ZZEF1: variants seen among roughly 807,000 people sequenced by gnomAD.
The protein encoded by ZZEF1 is zinc finger ZZ-type and EF-hand domain containing 1.
Under a neutral mutation model 342.8 loss-of-function variants are expected in ZZEF1, and 157 were observed. The ratio of observed to expected loss-of-function variants is 0.46; its 90% CI spans 0.40 to 0.52. The LOEUF (loss-of-function observed/expected upper bound fraction) is 0.52, where lower values mean the gene tolerates loss of function less well. Among genes scored for constraint, ZZEF1 ranks in the 20% least tolerant of loss-of-function variants. The probability of loss-of-function intolerance (pLI) is 0.00; values close to 1 mark genes in which losing one functional copy is unlikely to be tolerated. For missense variants in ZZEF1, 3,480 were observed against 3,725.6 expected (o/e 0.93, Z 1.72); for synonymous variants, 1,505 against 1,429.1 (o/e 1.05, Z -1.20).
intron 31 of ZZEF1, 83 bp from the exon 32 acceptor site, chr17:4,058,238 T>A: frequency 6.9e-7 from 1 of 1,447,820 alleles, no homozygotes; most frequent in Non-Finnish European, 9.2e-7. Flanking sequence ...GGTGACCTGG[T>A]TTGCAATTGA....
chr17:4,085,231 A>AG (rs1422776265), intron 16 of ZZEF1, among the ~76,000 whole-genome samples: 1 of 152,132 alleles, frequency 6.6e-6, no homozygotes, highest in Non-Finnish European at 1.5e-5. Context: ...AAAGGAGGAA[A>AG]GGGGGGTGAG....
intron 33 of ZZEF1, among the ~76,000 whole-genome samples, chr17:4,055,207 G>C (rs2057131804): frequency 6.6e-6 from 1 of 152,272 alleles, no homozygotes; most frequent in African/African-American, 2.4e-5. Context: ...CAGTAGACCA[G>C]AGCAAATATG....
intron 19 of ZZEF1, among the ~76,000 whole-genome samples, chr17:4,077,594 G>A (rs778745201): frequency 1.3e-5 from 2 of 152,154 alleles, no homozygotes; most frequent in South Asian, 2.1e-4. Context: ...CCTGAAGAGC[G>A]AGACATCACG....
intron 52 of ZZEF1, among the ~76,000 whole-genome samples, chr17:4,011,173 G>T (rs866596480): frequency 3.7e-4 from 57 of 152,220 alleles, no homozygotes; most frequent in African/African-American, 1.2e-3. Flanking sequence ...AGGCTAAGGT[G>T]GGGGGATTGC....
chr17:4,069,117 G>A (rs1029401242), intron 26 of ZZEF1, among the ~76,000 whole-genome samples: 3 of 152,170 alleles, frequency 2.0e-5, no homozygotes, highest in African/African-American at 7.2e-5. Flanking sequence ...TTTCTCTTCT[G>A]CAAACAGGTA....
chr17:4,111,709 C>T (rs935539169), intron 5 of ZZEF1, among the ~76,000 whole-genome samples: 3 of 145,094 alleles, frequency 2.1e-5, no homozygotes, highest in African/African-American at 7.6e-5. Flanking sequence ...TAAGCATACA[C>T]AATATATAAA....
intron 37 of ZZEF1, among the ~76,000 whole-genome samples, chr17:4,048,410 C>T (rs1233174881): frequency 6.6e-6 from 1 of 152,188 alleles, no homozygotes; most frequent in Non-Finnish European, 1.5e-5. Flanking sequence ...AATCCTTGAA[C>T]TAGCAACCTG....
Position 4,050,992 on chromosome 17 carries a change from G to A in ZZEF1, c.5652C>T (p.Ile1884=), listed in dbSNP as rs1292483091. The A allele has an allele frequency of 3.1e-6, 5 of 1,614,232 alleles. No homozygotes were observed. Among genetic ancestry groups the A allele is most frequent in the Admixed American group, 3.3e-5 (2 of 60,024 alleles). The change falls in exon 36 of 55, where the codon ATC becomes ATT. Residue 1884 remains isoleucine, a synonymous_variant. Transcript: ENST00000381638. ...GCTGGATGAGCCTCTGCCGGTCACT[G>A]ATCCGAATGGTTACCATTGGGTGGG... The part of the protein sequence containing the change: ...ITAHPMVTIR[I]SDRQRLIQPY...
chr17:4,135,869 C>CTTTTTTTTTTTTTTTTT (rs1567873792), intron 1 of ZZEF1, among the ~76,000 whole-genome samples: 7 of 152,050 alleles, frequency 4.6e-5, no homozygotes, highest in African/African-American at 1.7e-4. Context: ...TGCTTCTCAA[C>CTTTTTTTTTTTTTTTTT]TTTTATTGGC....
chr17:4,046,946 A>T (rs547871680), intron 37 of ZZEF1, among the ~76,000 whole-genome samples: 1 of 152,310 alleles, frequency 6.6e-6, no homozygotes, highest in African/African-American at 2.4e-5. Context: ...GTTGAAAAAC[A>T]GTGATCTGTC....
chr17:4,052,132 C>T lies in ZZEF1; in HGVS notation c.5439G>A (p.Gly1813=), dbSNP rs1231786479. The part of the protein sequence containing the change: ...MDLCKTCFLG[G]VKPEGHGDDH... ...CGTCTCCGTGGCCCTCAGGCTTCAC[C>T]CCACCTGAGGAGAAACACAGCAGTG... The change falls in exon 35 of 55, where the codon GGG becomes GGA. Residue 1813 remains glycine, a synonymous_variant. Transcript: ENST00000381638. 11 of 1,610,678 alleles carry T rather than the reference C, an allele frequency of 6.8e-6. No individual in the cohort carries two copies. The highest frequency in any genetic ancestry group is 2.7e-5 in the African/African-American group (2 of 74,794).
At position 4,005,150 on chromosome 17, in the gene ZZEF1, G is replaced by A. The variant is rs1195173241; in HGVS notation, c.*1740C>T. 6.6e-6 allele frequency: 1 copy of A among 152,356 alleles called. No individual in the cohort carries two copies. Among genetic ancestry groups the A allele is most frequent in the Non-Finnish European group, 1.5e-5 (1 of 68,122 alleles). 9.4% of individuals were successfully genotyped at this position (152,356 alleles called of 1,614,324 possible). A position where few individuals can be genotyped will look rare whatever the true frequency, so the allele number is the denominator to read the frequency against. On this transcript the variant is annotated 3_prime_UTR_variant, in exon 55 of 55. Coordinates refer to ENST00000381638, the MANE Select transcript of ZZEF1 (RefSeq NM_015113.4). ...GCCTCCCTCCCAAGCACTAAGACTT[G>A]TTTCCTGTGAGTCCCCTCTTGGGAA...
chr17:4,005,804 A>ACGC lies in ZZEF1; in HGVS notation c.*1083_*1085dup. 1 of 152,400 alleles carries ACGC rather than the reference A, an allele frequency of 6.6e-6. No individual in the cohort carries two copies. The highest frequency in any genetic ancestry group is 1.9e-4 in the East Asian group (1 of 5,180). The allele number at this position is 152,400 out of a possible 1,614,324, so 9.4% of individuals were successfully genotyped here. On this transcript the variant is annotated 3_prime_UTR_variant, in exon 55 of 55. Coordinates refer to ENST00000381638, the MANE Select transcript of ZZEF1 (RefSeq NM_015113.4). The stretch of plus-strand genomic sequence containing the variant: ...CCCCACGGGTCCCACTAAGGCCGGC[A>ACGC]CGCAGCCCACACGCCAGACTTGCTT...
In ZZEF1 at chr17:4,004,959, G is replaced by C. The variant is rs2055771699; in HGVS notation, c.*1931C>G. 6.6e-6 allele frequency: 1 copy of C among 152,368 alleles called. No homozygotes were observed. The highest frequency in any genetic ancestry group is 2.1e-4 in the South Asian group (1 of 4,838). The allele number at this position is 152,368 out of a possible 1,614,324, so 9.4% of individuals were successfully genotyped here. On this transcript the variant is annotated 3_prime_UTR_variant, in exon 55 of 55. Transcript: ENST00000381638. ...CTGGGGAGCCCAGCGTTTATTTACA[G>C]CTGATCTTCCTGACGGGAGGATGGA...
At chr17:4,117,217 C>G in intron 2 of ZZEF1, 51 bp from the exon 3 acceptor site, 1 of 1,477,080 alleles carries the variant, frequency 6.8e-7, no homozygotes, top group Non-Finnish European at 9.3e-7. Flanking sequence ...ACAGTAGTTT[C>G]CACATCCCCT....
intron 9 of ZZEF1, among the ~76,000 whole-genome samples, chr17:4,100,385 T>C (rs1257122708): frequency 6.6e-6 from 1 of 152,150 alleles, no homozygotes; most frequent in East Asian, 1.9e-4. Context: ...ACCCTTGTGT[T>C]TCTCAGGCAC....
intron 39 of ZZEF1, among the ~76,000 whole-genome samples, chr17:4,040,735 G>A (rs150814832): frequency 1.9e-4 from 29 of 152,248 alleles, no homozygotes; most frequent in African/African-American, 5.5e-4. Flanking sequence ...GGGGACAGTC[G>A]GCTGGCACAG....
At position 4,006,698 on chromosome 17, in the gene ZZEF1, C is replaced by A; in HGVS notation, c.*192G>T. 1.5e-6 allele frequency: 1 copy of A among 664,136 alleles called. No homozygotes were observed. Among genetic ancestry groups the A allele is most frequent in the Non-Finnish European group, 2.7e-6 (1 of 369,824 alleles). 41.1% of individuals were successfully genotyped at this position (664,136 alleles called of 1,614,324 possible). A position where few individuals can be genotyped will look rare whatever the true frequency, so the allele number is the denominator to read the frequency against. On this transcript the variant is annotated 3_prime_UTR_variant, in exon 55 of 55. Coordinates refer to ENST00000381638, the MANE Select transcript of ZZEF1 (RefSeq NM_015113.4). ...CACTGCTTGGCTTATTTTCACCATGCTACAGCCTGTGCTTGTGTCCAGCCT... is the reference window on the plus strand; with the variant it reads ...CACTGCTTGGCTTATTTTCACCATGATACAGCCTGTGCTTGTGTCCAGCCT...
At chr17:4,102,058 G>C (rs1309536134) in intron 9 of ZZEF1, among the ~76,000 whole-genome samples, 1 of 152,118 alleles carries the variant, frequency 6.6e-6, no homozygotes, top group Non-Finnish European at 1.5e-5. Flanking sequence ...AAAAAAAATA[G>C]TAACTTTTTA....
Sources: gnomAD v4.1 joint callset for allele counts (sites outside exome capture counted in the v4.1 genomes callset) on GRCh38, gnomAD v4.1.1 for gene constraint, MANE v1.5 for transcripts, NCBI Gene and HGNC (gene_info 2026-07-23, HGNC 2026-07-21) for gene names.